PTPRD: variants seen among roughly 807,000 people sequenced by gnomAD.
The protein encoded by PTPRD is receptor-type tyrosine-protein phosphatase delta.
A neutral mutation model predicts 214.5 loss-of-function variants in PTPRD; 34 were observed. The ratio of observed to expected loss-of-function variants is 0.16; its 90% CI spans 0.12 to 0.21. The LOEUF (loss-of-function observed/expected upper bound fraction) is 0.21. Among genes scored for constraint, PTPRD ranks in the 10% least tolerant of loss-of-function variants. The pLI is 1.00. For missense variants in PTPRD, 2,545 were observed against 2,398.7 expected, an observed-to-expected ratio of 1.06 and a Z score of -1.27; for synonymous variants, 1,128 against 845.7, an observed-to-expected ratio of 1.33 and a Z score of -5.79.
chr9:10,333,701 G>A (rs2096792808), intron 3 of PTPRD, among the ~76,000 whole-genome samples: 1 of 151,806 alleles, frequency 6.6e-6, no homozygotes, highest in Admixed American at 6.6e-5. Flanking sequence ...TCTACGAAGA[G>A]TTTATTTGAT....
chr9:9,992,425 T>G (rs1054824683), intron 4 of PTPRD, among the ~76,000 whole-genome samples: 4 of 152,304 alleles, frequency 2.6e-5, no homozygotes, highest in African/African-American at 9.6e-5. Context: ...AGAAATTCCA[T>G]TTGACCCAGC....
intron 12 of PTPRD, among the ~76,000 whole-genome samples, chr9:8,714,731 T>C (rs916122074): frequency 1.3e-5 from 2 of 152,114 alleles, no homozygotes; most frequent in African/African-American, 4.8e-5. Flanking sequence ...CTGACCTGAC[T>C]ACCCAATTTT....
chr9:9,631,040 C>G (rs972849030), intron 7 of PTPRD, among the ~76,000 whole-genome samples: 4 of 151,986 alleles, frequency 2.6e-5, no homozygotes, highest in African/African-American at 7.2e-5. Flanking sequence ...AGGCATGACT[C>G]TGTCATTTAA....
chr9:9,475,756 A>G (rs1291596095), intron 8 of PTPRD, among the ~76,000 whole-genome samples: 2 of 152,212 alleles, frequency 1.3e-5, no homozygotes, highest in Admixed American at 1.3e-4. Flanking sequence ...TGCCCATTCT[A>G]ACATTCCACA....
At chr9:8,869,110 C>G (rs2098249494) in intron 11 of PTPRD, among the ~76,000 whole-genome samples, 1 of 152,088 alleles carries the variant, frequency 6.6e-6, no homozygotes, top group Non-Finnish European at 1.5e-5. Flanking sequence ...TTAAAACTCC[C>G]TCCTTGGAAG....
chr9:8,717,109 C>T lies in PTPRD; in HGVS notation c.64+16671G>A, dbSNP rs900958865. Among the ~76,000 whole-genome samples, 15 of 152,168 alleles carry T rather than the reference C, an allele frequency of 9.9e-5. 1 individual carries two copies. The highest frequency in any genetic ancestry group is 9.8e-4 in the Admixed American group (15 of 15,278). ...AGAAGGCAGGGGTTGCACCTGTACCCCATCCTGGGTGACAGAGTGTGTCAC... is the reference window on the plus strand; with the variant it reads ...AGAAGGCAGGGGTTGCACCTGTACCTCATCCTGGGTGACAGAGTGTGTCAC... On this transcript the variant is annotated intron_variant, in intron 12 of 45. Coordinates refer to ENST00000381196, the MANE Select transcript of PTPRD (RefSeq NM_002839.4).
intron 5 of PTPRD, among the ~76,000 whole-genome samples, chr9:9,914,973 C>G (rs1254177692): frequency 6.6e-6 from 1 of 152,188 alleles, no homozygotes; most frequent in Non-Finnish European, 1.5e-5. Context: ...ACCCAGTGAG[C>G]CAGACACCAA....
chr9:8,520,770 A>T (rs1449700939), intron 20 of PTPRD, among the ~76,000 whole-genome samples: 1 of 152,110 alleles, frequency 6.6e-6, no homozygotes, highest in Non-Finnish European at 1.5e-5. Context: ...AACAGAATAT[A>T]CTCTTACTTG....
chr9:8,774,538 T>TTTTTTTG (rs1351456141), intron 11 of PTPRD, among the ~76,000 whole-genome samples: 1 of 142,708 alleles, frequency 7.0e-6, no homozygotes, highest in Non-Finnish European at 1.5e-5. Flanking sequence ...TTTTTTTTTT[T>TTTTTTTG]TTTTTTTTTT....
chr9:8,403,405 G>C (rs780172382), intron 36 of PTPRD, among the ~76,000 whole-genome samples: 2 of 152,210 alleles, frequency 1.3e-5, no homozygotes, highest in South Asian at 2.1e-4. Context: ...GCACTAATGA[G>C]GGTGAACATG....
chr9:8,526,692 A>G, intron 16 of PTPRD, 48 bp from the exon 17 acceptor site: 1 of 1,511,804 alleles, frequency 6.6e-7, no homozygotes, highest in Non-Finnish European at 9.0e-7. Context: ...AAGAAGCATT[A>G]GTACGAGAAG....
chr9:8,828,789 C>A (rs575673571), intron 11 of PTPRD, among the ~76,000 whole-genome samples: 1 of 152,120 alleles, frequency 6.6e-6, no homozygotes, highest in Non-Finnish European at 1.5e-5. Flanking sequence ...AACTTTGCAA[C>A]AGAATAACAT....
intron 11 of PTPRD, among the ~76,000 whole-genome samples, chr9:8,869,081 A>G (rs1005197139): frequency 1.3e-5 from 2 of 152,192 alleles, no homozygotes; most frequent in South Asian, 2.1e-4. Flanking sequence ...AGAAACAAAA[A>G]AAGAAAGAAT....
chr9:10,188,263 A>G (rs1400792671), intron 3 of PTPRD, among the ~76,000 whole-genome samples: 2 of 152,166 alleles, frequency 1.3e-5, no homozygotes, highest in Non-Finnish European at 2.9e-5. Context: ...GATTAATTGG[A>G]AATTAGTATT....
chr9:9,682,842 C>T (rs1164224665), intron 7 of PTPRD, among the ~76,000 whole-genome samples: 2 of 151,746 alleles, frequency 1.3e-5, no homozygotes, highest in Non-Finnish European at 2.9e-5. Context: ...GCATTTTTCT[C>T]AGTTCCACAA....
chr9:9,569,541 G>C (rs1350479956), intron 8 of PTPRD, among the ~76,000 whole-genome samples: 2 of 151,428 alleles, frequency 1.3e-5, no homozygotes, highest in African/African-American at 4.8e-5. Context: ...GCTTAAATAT[G>C]TTCTAAAGCT....
chr9:9,128,153 C>A (rs1433388167), intron 10 of PTPRD, among the ~76,000 whole-genome samples: 1 of 152,130 alleles, frequency 6.6e-6, no homozygotes, highest in Non-Finnish European at 1.5e-5. Context: ...GGATCATCAG[C>A]TTAAAGCATG....
At chr9:9,622,894 A>G (rs2095294141) in intron 7 of PTPRD, among the ~76,000 whole-genome samples, 1 of 152,180 alleles carries the variant, frequency 6.6e-6, no homozygotes, top group Non-Finnish European at 1.5e-5. Flanking sequence ...CTCAGGTAGA[A>G]TGCCATGAGT....
At chr9:9,384,049 A>C (rs2063107561) in intron 9 of PTPRD, among the ~76,000 whole-genome samples, 1 of 151,932 alleles carries the variant, frequency 6.6e-6, no homozygotes, top group Non-Finnish European at 1.5e-5. Context: ...GTTTGCCAAC[A>C]ACCACATTCT....
Sources: gnomAD v4.1 joint callset for allele counts (sites outside exome capture counted in the v4.1 genomes callset) on GRCh38, gnomAD v4.1.1 for gene constraint, MANE v1.5 for transcripts, NCBI Gene and HGNC (gene_info 2026-07-23, HGNC 2026-07-21) for gene names.